The following TRHDE variants were observed in gnomAD, a reference collection of about 807,000 sequenced individuals.
The protein encoded by TRHDE is thyrotropin releasing hormone degrading enzyme.
In TRHDE, 72 loss-of-function variants were observed where a neutral mutation model predicts 125.7. The ratio of observed to expected loss-of-function variants is 0.57; its 90% CI spans 0.47 to 0.70. TRHDE has a LOEUF of 0.70. Ranked by LOEUF, TRHDE falls within the 30% of genes least tolerant of loss-of-function variation. The pLI is 0.00. For synonymous variants in TRHDE, 509 were observed against 509.1 expected, an observed-to-expected ratio of 1.00 and a Z score of 0.00; for missense variants, 1,110 against 1,327.1, an observed-to-expected ratio of 0.84 and a Z score of 2.54.
Position 72,473,276 on chromosome 12 carries a change from C to A in TRHDE, c.1584+96C>A. 3.6e-6 allele frequency: 3 copies of A among 835,934 alleles called. No individual in the cohort carries two copies. In the South Asian group the frequency reaches 5.4e-5, roughly 15 times the overall value. The allele number at this position is 835,934 out of a possible 1,614,324, so 51.8% of individuals were successfully genotyped here. On this transcript the variant is annotated intron_variant, in intron 5 of 18. Coordinates refer to ENST00000261180, the MANE Select transcript of TRHDE (RefSeq NM_013381.3). Reference sequence around the variant, plus strand: ...CCTTAGAGATGACTAAAAATACCAACTGATGCATGAAAATGTATCAATAAA... The same window carrying A: ...CCTTAGAGATGACTAAAAATACCAAATGATGCATGAAAATGTATCAATAAA...
At chr12:72,599,006 A>G (rs1187628878) in intron 12 of TRHDE, among the ~76,000 whole-genome samples, 1 of 152,116 alleles carries the variant, frequency 6.6e-6, no homozygotes, top group East Asian at 1.9e-4. Flanking sequence ...TTCCTGCATT[A>G]ATTCACTTAA....
chr12:72,164,419 G>A (rs1876700892), intron 2 of TRHDE, among the ~76,000 whole-genome samples: 1 of 152,192 alleles, frequency 6.6e-6, no homozygotes, highest in African/African-American at 2.4e-5. Flanking sequence ...TCAAGAGGCT[G>A]AAGAGAAGAC....
chr12:72,581,094 CTAT>C (rs1227082163), intron 12 of TRHDE, among the ~76,000 whole-genome samples: 4 of 152,014 alleles, frequency 2.6e-5, no homozygotes, highest in Admixed American at 6.6e-5. Flanking sequence ...TATGGCAGAA[CTAT>C]TACAGCAGCA....
intron 7 of TRHDE, among the ~76,000 whole-genome samples, chr12:72,561,935 T>C: frequency 6.6e-6 from 1 of 152,190 alleles, no homozygotes. Context: ...AAGAAGTTAT[T>C]ATAGTTATGA....
At chr12:72,543,123 C>T (rs1869236057) in intron 7 of TRHDE, among the ~76,000 whole-genome samples, 1 of 151,318 alleles carries the variant, frequency 6.6e-6, no homozygotes, top group African/African-American at 2.4e-5. Context: ...TATGCTAAGA[C>T]AGAGAGAGCA....
intron 12 of TRHDE, among the ~76,000 whole-genome samples, chr12:72,594,095 A>T (rs1338747812): frequency 6.6e-6 from 1 of 150,846 alleles, no homozygotes; most frequent in Admixed American, 6.6e-5. Context: ...CTCCACACTG[A>T]CTTCCACAAT....
intron 18 of TRHDE, among the ~76,000 whole-genome samples, chr12:72,658,166 T>G (rs1447875484): frequency 6.6e-6 from 1 of 152,206 alleles, no homozygotes; most frequent in Admixed American, 6.5e-5. Flanking sequence ...GGATTAAATT[T>G]GAAAGCCCCA....
chr12:72,587,687 T>C (rs1396295202), intron 12 of TRHDE, among the ~76,000 whole-genome samples: 7 of 152,008 alleles, frequency 4.6e-5, no homozygotes, highest in African/African-American at 1.7e-4. Flanking sequence ...ATTTTCTTGG[T>C]GGAATAAAGA....
chr12:72,369,149 G>A (rs917108193), intron 2 of TRHDE, among the ~76,000 whole-genome samples: 2 of 152,018 alleles, frequency 1.3e-5, no homozygotes, highest in Admixed American at 1.3e-4. Flanking sequence ...CATTTATAGC[G>A]AGTCCATGAA....
chr12:72,275,317 T>G (rs557580398), intron 1 of TRHDE, among the ~76,000 whole-genome samples: 3 of 152,184 alleles, frequency 2.0e-5, no homozygotes, highest in Non-Finnish European at 4.4e-5. Flanking sequence ...TGAAGTAACC[T>G]CCTATAAATA....
intron 4 of TRHDE, among the ~76,000 whole-genome samples, chr12:72,471,764 A>G (rs1375410512): frequency 6.6e-6 from 1 of 152,196 alleles, no homozygotes; most frequent in Non-Finnish European, 1.5e-5. Context: ...TATTTCAATG[A>G]GAGATCCTCT....
chr12:72,583,392 T>C (rs970397182), intron 12 of TRHDE, among the ~76,000 whole-genome samples: 5 of 152,104 alleles, frequency 3.3e-5, no homozygotes, highest in Non-Finnish European at 5.9e-5. Context: ...TCCCAAAAGA[T>C]CACATTTCTC....
chr12:72,530,906 T>C (rs753263475), intron 6 of TRHDE, among the ~76,000 whole-genome samples: 4 of 152,132 alleles, frequency 2.6e-5, no homozygotes, highest in Non-Finnish European at 5.9e-5. Context: ...GAATATAAAC[T>C]GCATGAAAGC....
At chr12:72,116,403 A>G (rs1053786705) in intron 2 of TRHDE, among the ~76,000 whole-genome samples, 18 of 152,236 alleles carry the variant, frequency 1.2e-4, no homozygotes, top group African/African-American at 4.1e-4. Context: ...GTCAAATGGT[A>G]TTTCTGGTTC....
intron 2 of TRHDE, among the ~76,000 whole-genome samples, chr12:72,168,376 G>T (rs954201333): frequency 3.3e-5 from 5 of 152,172 alleles, no homozygotes; most frequent in Non-Finnish European, 5.9e-5. Flanking sequence ...CACATGGGTA[G>T]TTCTCATTGA....
intron 2 of TRHDE, among the ~76,000 whole-genome samples, chr12:72,300,320 G>A (rs1880454460): frequency 6.6e-6 from 1 of 151,228 alleles, no homozygotes; most frequent in South Asian, 2.1e-4. Flanking sequence ...TTGAGGACAA[G>A]AATTGTTTCC....
intron 2 of TRHDE, among the ~76,000 whole-genome samples, chr12:72,132,905 T>TGAG (rs147485081): frequency 0.035 from 5,275 of 151,992 alleles, 157 homozygotes; most frequent in African/African-American, 0.084. Flanking sequence ...TGGATCTTGA[T>TGAG]GAGGAGAAGT....
chr12:72,449,380 T>A (rs1271590666), intron 3 of TRHDE, among the ~76,000 whole-genome samples: 1 of 152,030 alleles, frequency 6.6e-6, no homozygotes, highest in Non-Finnish European at 1.5e-5. Flanking sequence ...AAATGTTGTT[T>A]ATTTAGTATT....
chr12:72,180,602 T>C (rs1877077117), intron 2 of TRHDE, among the ~76,000 whole-genome samples: 1 of 152,182 alleles, frequency 6.6e-6, no homozygotes, highest in South Asian at 2.1e-4. Context: ...AGCTCTCCAT[T>C]AAAATCAGTT....
Sources: gnomAD v4.1 joint callset for allele counts (sites outside exome capture counted in the v4.1 genomes callset) on GRCh38, gnomAD v4.1.1 for gene constraint, MANE v1.5 for transcripts, NCBI Gene and HGNC (gene_info 2026-07-23, HGNC 2026-07-21) for gene names.